Variants in LRRC28 observed in about 807,000 individuals in gnomAD.
LRRC28 encodes the protein leucine rich repeat containing 28.
LRRC28 carries 39 observed loss-of-function variants against 45.7 expected under a neutral mutation model. The observed-to-expected ratio is 0.85, with a 90% CI of 0.66 to 1.12. The LOEUF (loss-of-function observed/expected upper bound fraction) is 1.12. Among genes scored for constraint, LRRC28 ranks in the 50% most tolerant of loss-of-function variants. LRRC28 has a pLI of 0.00. For synonymous variants in LRRC28, 206 were observed against 178.8 expected (o/e 1.15, Z -1.22); for missense variants, 435 against 438.5 (o/e 0.99, Z 0.07).
At chr15:99,285,412 C>T (rs755215703) in intron 3 of LRRC28, 15 of 753,858 alleles carry the variant, frequency 2.0e-5, no homozygotes, top group Admixed American at 5.2e-5. Context: ...AAACCCAAAG[C>T]CCCTGGCGTG....
intron 6 of LRRC28, among the ~76,000 whole-genome samples, chr15:99,334,423 G>C (rs1353366913): frequency 6.6e-6 from 1 of 151,792 alleles, no homozygotes; most frequent in Non-Finnish European, 1.5e-5. Context: ...GTGTGTGTGT[G>C]TGTGTGTGTG....
intron 5 of LRRC28, among the ~76,000 whole-genome samples, chr15:99,288,304 A>G (rs973192287): frequency 1.2e-4 from 18 of 151,436 alleles, no homozygotes; most frequent in South Asian, 2.1e-4. Flanking sequence ...TCATTTTACT[A>G]TCCAAAAGTC....
At chr15:99,334,180 T>C in intron 6 of LRRC28, 51 bp downstream of exon 6, 1 of 1,592,854 alleles carries the variant, frequency 6.3e-7, no homozygotes, top group Non-Finnish European at 8.6e-7. Flanking sequence ...ATGGAAAGCC[T>C]TTGTTTCTTT....
At chr15:99,358,927 C>T (rs1229511087) in intron 7 of LRRC28, among the ~76,000 whole-genome samples, 5 of 151,888 alleles carry the variant, frequency 3.3e-5, no homozygotes, top group Admixed American at 2.0e-4. Context: ...CAAATACAAA[C>T]TAACCGGACG....
At chr15:99,380,131 G>A (rs1957772815) in intron 9 of LRRC28, among the ~76,000 whole-genome samples, 1 of 152,188 alleles carries the variant, frequency 6.6e-6, no homozygotes, top group Admixed American at 6.5e-5. Flanking sequence ...AATGTTGACA[G>A]TGGGGTGTTA....
chr15:99,286,659 A>T (rs1199074863), intron 3 of LRRC28: 2 of 152,338 alleles, frequency 1.3e-5, no homozygotes, highest in Non-Finnish European at 2.9e-5. Context: ...GCTTGTCTAG[A>T]CTTCTCAGCC....
chr15:99,366,022 A>G (rs1412271658), intron 9 of LRRC28, among the ~76,000 whole-genome samples: 1 of 152,238 alleles, frequency 6.6e-6, no homozygotes, highest in Non-Finnish European at 1.5e-5. Flanking sequence ...CCAAGCATGT[A>G]TGGGTCTTAC....
chr15:99,314,539 A>G (rs1206352733), intron 5 of LRRC28, among the ~76,000 whole-genome samples: 2 of 152,148 alleles, frequency 1.3e-5, no homozygotes, highest in African/African-American at 4.8e-5. Context: ...TTGTAACAAT[A>G]TTTTATCATC....
At chr15:99,327,258 A>G (rs901439395) in intron 5 of LRRC28, among the ~76,000 whole-genome samples, 1 of 152,150 alleles carries the variant, frequency 6.6e-6, no homozygotes, top group Admixed American at 6.5e-5. Flanking sequence ...TATTTTTAGT[A>G]GAGATGAGAT....
chr15:99,385,345 G>T (rs1304228766), intron 9 of LRRC28, among the ~76,000 whole-genome samples: 1 of 152,166 alleles, frequency 6.6e-6, no homozygotes, highest in African/African-American at 2.4e-5. Flanking sequence ...CAGCACAGGG[G>T]GTCTTGTGGA....
chr15:99,350,439 C>T (rs562916988), intron 6 of LRRC28, among the ~76,000 whole-genome samples: 66 of 152,348 alleles, frequency 4.3e-4, no homozygotes, highest in African/African-American at 1.5e-3. Flanking sequence ...GCTCCTCCTG[C>T]TTTCTGGGAC....
intron 3 of LRRC28, among the ~76,000 whole-genome samples, chr15:99,283,615 C>CAAAAAAAAAAAAAAAAAAAAA (rs59399248): frequency 1.1e-5 from 1 of 89,862 alleles, no homozygotes. Context: ...GACTCCTTCT[C>CAAAAAAAAAAAAAAAAAAAAA]AAAAAAAAAA....
chr15:99,301,929 A>G (rs1367756723), intron 5 of LRRC28, among the ~76,000 whole-genome samples: 1 of 151,704 alleles, frequency 6.6e-6, no homozygotes, highest in African/African-American at 2.4e-5. Context: ...TCCATACATC[A>G]CTTTTTTTTT....
At chr15:99,289,274 T>G (rs2082044416) in intron 5 of LRRC28, among the ~76,000 whole-genome samples, 1 of 152,148 alleles carries the variant, frequency 6.6e-6, no homozygotes. Context: ...AATAAAAAAC[T>G]TATGCTTCAG....
chr15:99,332,282 G>T (rs1487392548), intron 5 of LRRC28, among the ~76,000 whole-genome samples: 1 of 152,120 alleles, frequency 6.6e-6, no homozygotes, highest in Admixed American at 6.5e-5. Context: ...TTAAGTTCAA[G>T]TAGAAAACTC....
rs543873081 is a variant in LRRC28 at position 99,314,713 on chromosome 15, C to A, written c.386-19210C>A. On this transcript the variant is annotated intron_variant, in intron 5 of 9. Coordinates refer to ENST00000301981, the MANE Select transcript of LRRC28 (RefSeq NM_144598.5). ...AAAGTGTATGAAAGCCTTCTTACCC[C>A]CTTCACCTAACCTGGGTTTTAAGTT... 7.9e-5 allele frequency among the ~76,000 whole-genome samples: 12 copies of A among 152,284 alleles called. No individual in the cohort carries two copies. In the South Asian group the frequency reaches 2.3e-3, roughly 29 times the overall value.
At chr15:99,282,568 G>A (rs924955316) in intron 3 of LRRC28, among the ~76,000 whole-genome samples, 1 of 152,128 alleles carries the variant, frequency 6.6e-6, no homozygotes, top group Non-Finnish European at 1.5e-5. Flanking sequence ...AATACATCGT[G>A]TATCAGTTGT....
At chr15:99,255,118 A>T (rs2080977367) in intron 1 of LRRC28, among the ~76,000 whole-genome samples, 2 of 152,282 alleles carry the variant, frequency 1.3e-5, no homozygotes, top group African/African-American at 4.8e-5. Flanking sequence ...GCACTTGGGG[A>T]GGCTGAGGTG....
chr15:99,277,457 G>T (rs949264330), intron 3 of LRRC28, among the ~76,000 whole-genome samples: 1 of 151,578 alleles, frequency 6.6e-6, no homozygotes, highest in Non-Finnish European at 1.5e-5. Context: ...CTACCCCTCT[G>T]CCCCCTCCCC....
Sources: allele counts gnomAD v4.1 joint callset (sites outside exome capture counted in the v4.1 genomes callset), GRCh38; gene constraint gnomAD v4.1.1; transcripts MANE v1.5; gene names NCBI Gene and HGNC (gene_info 2026-07-23, HGNC 2026-07-21).